TMEM74: variants seen among roughly 807,000 people sequenced by gnomAD.
TMEM74 encodes the protein transmembrane protein 74.
Under a neutral mutation model 18.1 loss-of-function variants are expected in TMEM74, and 13 were observed. The ratio of observed to expected loss-of-function variants is 0.72; its 90% CI spans 0.47 to 1.14. The LOEUF is 1.14. Ranked by LOEUF, TMEM74 falls within the 50% of genes most tolerant of loss-of-function variation. The pLI is 0.00. For synonymous variants in TMEM74, 159 were observed against 146.6 expected, an observed-to-expected ratio of 1.08 and a Z score of -0.61; for missense variants, 372 against 375.9, an observed-to-expected ratio of 0.99 and a Z score of 0.09.
rs552807573 is a variant in TMEM74 at position 108,779,372 on chromosome 8, G to A, written c.*4809C>T. 8.5e-5 allele frequency among the ~76,000 whole-genome samples: 13 copies of A among 152,154 alleles called. No homozygotes were observed. The highest frequency in any genetic ancestry group is 2.6e-4 in the African/African-American group (11 of 41,512). On this transcript the variant is annotated 3_prime_UTR_variant, in exon 2 of 2. Coordinates refer to ENST00000297459, the MANE Select transcript of TMEM74 (RefSeq NM_153015.3). Reference sequence around the variant, plus strand: ...GGCTAGGAAGCCTGAAGATGGCAGTGAAAAAATAGGGAGAGCTGTTCCTGA... The same window carrying A: ...GGCTAGGAAGCCTGAAGATGGCAGTAAAAAAATAGGGAGAGCTGTTCCTGA...
chr8:108,785,445 C>T (rs996048066), intron 1 of TMEM74, among the ~76,000 whole-genome samples: 3 of 152,192 alleles, frequency 2.0e-5, no homozygotes, highest in African/African-American at 4.8e-5. Flanking sequence ...CAAGGACTCG[C>T]GCATTCCTGC....
intron 1 of TMEM74, among the ~76,000 whole-genome samples, chr8:108,743,084 C>T (rs896499795): frequency 6.6e-6 from 1 of 152,126 alleles, no homozygotes; most frequent in Non-Finnish European, 1.5e-5. Flanking sequence ...TCAGCAAGAA[C>T]ATAATGAACA....
intron 1 of TMEM74, among the ~76,000 whole-genome samples, chr8:108,730,937 G>A (rs1198372791): frequency 2.6e-5 from 4 of 152,048 alleles, no homozygotes; most frequent in African/African-American, 7.2e-5. Flanking sequence ...GCCACCATGT[G>A]TTCTTATAAA....
At chr8:108,755,661 T>TA (rs1563543318) in intron 1 of TMEM74, among the ~76,000 whole-genome samples, 1 of 152,134 alleles carries the variant, frequency 6.6e-6, no homozygotes, top group Non-Finnish European at 1.5e-5. Flanking sequence ...ATTGCTTTTT[T>TA]AATGATGTTT....
intron 1 of TMEM74, among the ~76,000 whole-genome samples, chr8:108,723,879 C>T (rs1176523938): frequency 6.6e-6 from 1 of 152,110 alleles, no homozygotes; most frequent in African/African-American, 2.4e-5. Context: ...ATTTTTAAAG[C>T]AATTATAGAT....
intron 1 of TMEM74, among the ~76,000 whole-genome samples, chr8:108,659,975 T>C (rs1396978987): frequency 3.9e-5 from 6 of 152,152 alleles, no homozygotes; most frequent in Non-Finnish European, 4.4e-5. Flanking sequence ...TCCTGAGACA[T>C]TGACCAAGGC....
intron 2 of TMEM74, chr8:108,608,830 G>T (rs762594611): frequency 4.6e-5 from 7 of 152,056 alleles, no homozygotes; most frequent in Non-Finnish European, 1.0e-4. Flanking sequence ...AACATTACTG[G>T]ATATGGAATG....
At chr8:108,608,298 C>CA (rs374774953) in intron 3 of TMEM74, among the ~76,000 whole-genome samples, 3,329 of 71,900 alleles carry the variant, frequency 0.046, 45 homozygotes, top group African/African-American at 0.054. Context: ...AAGACTCTGT[C>CA]AAAAAAAAAA....
intron 1 of TMEM74, among the ~76,000 whole-genome samples, chr8:108,735,211 T>C (rs544390111): frequency 6.6e-6 from 1 of 152,332 alleles, no homozygotes; most frequent in South Asian, 2.1e-4. Context: ...GGAGAAACAA[T>C]TCACTTACCA....
chr8:108,760,227 C>T (rs1157589123), intron 1 of TMEM74, among the ~76,000 whole-genome samples: 2 of 151,534 alleles, frequency 1.3e-5, no homozygotes, highest in African/African-American at 4.9e-5. Context: ...ACATTCAGAG[C>T]ACTTTGACAA....
chr8:108,656,805 G>A (rs1184552425), intron 1 of TMEM74, among the ~76,000 whole-genome samples: 1 of 152,088 alleles, frequency 6.6e-6, no homozygotes, highest in South Asian at 2.1e-4. Flanking sequence ...GACTAGAAAC[G>A]TGCAAAAGAA....
chr8:108,686,674 T>C (rs542061570), intron 1 of TMEM74, among the ~76,000 whole-genome samples: 189 of 121,962 alleles, frequency 1.5e-3, no homozygotes, highest in African/African-American at 5.9e-3. Context: ...AGTCCAACAT[T>C]TGTAGAAAAA....
intron 1 of TMEM74, among the ~76,000 whole-genome samples, chr8:108,761,781 A>G (rs1276248625): frequency 6.6e-6 from 1 of 152,168 alleles, no homozygotes; most frequent in African/African-American, 2.4e-5. Context: ...TCTTTCAAAA[A>G]GCTAGGCAAT....
downstream of TMEM74, among the ~76,000 whole-genome samples, chr8:108,775,850 C>T (rs541745347): frequency 8.0e-4 from 122 of 152,320 alleles, 1 homozygote; most frequent in African/African-American, 2.8e-3. Flanking sequence ...CTCTGGTACC[C>T]TGGTTTCCCT....
At chr8:108,616,607 G>A (rs935968454) in intron 2 of TMEM74, among the ~76,000 whole-genome samples, 1 of 152,124 alleles carries the variant, frequency 6.6e-6, no homozygotes, top group Middle Eastern at 3.4e-3. Flanking sequence ...AAACACTTCC[G>A]TTTCTGTTTC....
intron 2 of TMEM74, among the ~76,000 whole-genome samples, chr8:108,612,701 G>C (rs17431191): frequency 0.082 from 12,419 of 152,278 alleles, 782 homozygotes; most frequent in Admixed American, 0.16. Context: ...GAATGGGAAA[G>C]AGCATTAGAG....
chr8:108,621,271 C>T (rs1006020935), intron 2 of TMEM74, among the ~76,000 whole-genome samples: 36 of 152,076 alleles, frequency 2.4e-4, no homozygotes, highest in Admixed American at 2.2e-3. Context: ...TCAATTCCAC[C>T]GAGGACTCTC....
rs1303619216 is a variant in TMEM74, at chr8:108,780,513, G to C, written c.*3668C>G. 1.3e-5 allele frequency among the ~76,000 whole-genome samples: 2 copies of C among 152,138 alleles called. No individual in the cohort carries two copies. The highest frequency in any genetic ancestry group is 2.4e-5 in the African/African-American group (1 of 41,426). ...AAGATTAAGTCACCCCTTATACTGG[G>C]GGGACTGAGGTAAAGGCACACATAA... On this transcript the variant is annotated 3_prime_UTR_variant, in exon 2 of 2. Coordinates refer to ENST00000297459, the MANE Select transcript of TMEM74 (RefSeq NM_153015.3).
At chr8:108,696,583 A>G (rs1274356943) in intron 1 of TMEM74, among the ~76,000 whole-genome samples, 1 of 152,190 alleles carries the variant, frequency 6.6e-6, no homozygotes, top group Non-Finnish European at 1.5e-5. Flanking sequence ...TCTTCTAATA[A>G]CTCTCTTCAA....
Sources: allele counts gnomAD v4.1 joint callset (sites outside exome capture counted in the v4.1 genomes callset), GRCh38; gene constraint gnomAD v4.1.1; transcripts MANE v1.5; gene names NCBI Gene and HGNC (gene_info 2026-07-23, HGNC 2026-07-21).